Variants in JAM2 observed in about 807,000 individuals in gnomAD.
JAM2 encodes the protein junctional adhesion molecule B.
In JAM2, 17 loss-of-function variants were observed where a neutral mutation model predicts 42.0. The observed-to-expected ratio is 0.40, with a 90% CI of 0.28 to 0.61. JAM2 has a LOEUF of 0.61. JAM2 is among the 20% of genes least tolerant of loss of function. The pLI, the probability that JAM2 is intolerant of heterozygous loss-of-function variation, is 0.37. For missense variants in JAM2, 319 were observed against 358.3 expected, an observed-to-expected ratio of 0.89 and a Z score of 0.89; for synonymous variants, 118 against 128.6, an observed-to-expected ratio of 0.92 and a Z score of 0.56.
chr21:25,709,205 C>A (rs1478550027), intron 7 of JAM2, among the ~76,000 whole-genome samples: 1 of 149,106 alleles, frequency 6.7e-6, no homozygotes, highest in African/African-American at 2.4e-5. Flanking sequence ...TGTTTGCTCT[C>A]TTGTTACTTA....
chr21:25,702,112 A>G (rs1294359420), intron 5 of JAM2, 58 bp from the exon 6 acceptor site: 22 of 904,200 alleles, frequency 2.4e-5, no homozygotes, highest in Non-Finnish European at 1.7e-5. Context: ...AGGGTTATTT[A>G]AAAAGTCTAC....
intron 2 of JAM2, among the ~76,000 whole-genome samples, chr21:25,688,410 G>A (rs773131183): frequency 2.0e-5 from 3 of 152,210 alleles, no homozygotes; most frequent in Non-Finnish European, 4.4e-5. Context: ...GTGTGGGTGT[G>A]TGTTTAATTG....
rs2034468620 is a variant in JAM2, at chr21:25,715,885, C to A, written c.*1213C>A. ...TTAATTACTGAATTGATATTAAAAA[C>A]AAAATATGGCTAGGGCATGTCCTAT... On this transcript the variant is annotated 3_prime_UTR_variant, in exon 10 of 10. Coordinates refer to ENST00000480456, the MANE Select transcript of JAM2 (RefSeq NM_021219.4). The A allele has an allele frequency of 6.6e-6, 1 of 151,578 alleles. No individual in the cohort carries two copies. The allele number at this position is 151,578 out of a possible 1,614,324, so 9.4% of individuals were successfully genotyped here. A position where few individuals can be genotyped will look rare whatever the true frequency, so the allele number is the denominator to read the frequency against.
chr21:25,662,382 T>C (rs1050814939), intron 1 of JAM2, among the ~76,000 whole-genome samples: 2 of 151,856 alleles, frequency 1.3e-5, no homozygotes, highest in African/African-American at 4.9e-5. Context: ...AGCCCTGGGC[T>C]CAAACAGTCC....
At chr21:25,665,097 G>A (rs2033184931) in intron 1 of JAM2, among the ~76,000 whole-genome samples, 1 of 152,208 alleles carries the variant, frequency 6.6e-6, no homozygotes, top group Admixed American at 6.5e-5. Context: ...ACTTCCTAGA[G>A]GTGGTGAGAC....
chr21:25,651,345 A>G (rs897448282), intron 1 of JAM2, among the ~76,000 whole-genome samples: 13 of 152,212 alleles, frequency 8.5e-5, no homozygotes, highest in Non-Finnish European at 1.8e-4. Flanking sequence ...TCAAATATGA[A>G]GCTTTTCTCA....
chr21:25,679,463 G>T (rs558172541), intron 1 of JAM2, among the ~76,000 whole-genome samples: 11 of 152,162 alleles, frequency 7.2e-5, no homozygotes, highest in Non-Finnish European at 1.3e-4. Flanking sequence ...TCTCTCAGGG[G>T]ACATTTACTA....
intron 1 of JAM2, among the ~76,000 whole-genome samples, chr21:25,645,009 T>C (rs1463024820): frequency 6.6e-6 from 1 of 152,038 alleles, no homozygotes; most frequent in African/African-American, 2.4e-5. Context: ...GCCTCCTGAG[T>C]AGCTGGGATT....
intron 2 of JAM2, among the ~76,000 whole-genome samples, chr21:25,685,150 G>A (rs955168878): frequency 2.0e-5 from 3 of 152,052 alleles, no homozygotes; most frequent in African/African-American, 7.2e-5. Context: ...GTAAAGGCCT[G>A]GAGTGGGGGG....
At chr21:25,671,328 T>G (rs929867728) in intron 1 of JAM2, among the ~76,000 whole-genome samples, 3 of 152,178 alleles carry the variant, frequency 2.0e-5, no homozygotes, top group African/African-American at 7.2e-5. Flanking sequence ...CTTGCAAATT[T>G]TACAAAATGT....
chr21:25,663,067 T>C (rs564435924), intron 1 of JAM2, among the ~76,000 whole-genome samples: 2 of 152,302 alleles, frequency 1.3e-5, no homozygotes, highest in South Asian at 2.1e-4. Context: ...TTAAATAACA[T>C]AGAAGTTCAT....
At chr21:25,712,482 A>G in intron 9 of JAM2, 100 bp downstream of exon 9, 1 of 807,056 alleles carries the variant, frequency 1.2e-6, no homozygotes, top group Non-Finnish European at 2.1e-6. Flanking sequence ...CACTTTTAAT[A>G]CACTTTGCAC....
chr21:25,670,179 A>G (rs1354308074), intron 1 of JAM2, among the ~76,000 whole-genome samples: 1 of 152,150 alleles, frequency 6.6e-6, no homozygotes, highest in Non-Finnish European at 1.5e-5. Flanking sequence ...CTCAATTTGA[A>G]AGAGTTTCAA....
intron 1 of JAM2, among the ~76,000 whole-genome samples, chr21:25,655,553 T>C (rs1412206253): frequency 6.7e-6 from 1 of 149,078 alleles, no homozygotes; most frequent in Non-Finnish European, 1.5e-5. Context: ...CCATCTCAGC[T>C]CAGTGCAATC....
chr21:25,714,701 C>T lies in JAM2; in HGVS notation c.*29C>T. The T allele has an allele frequency of 7.0e-7, 1 of 1,428,774 alleles. No homozygotes were observed. Among genetic ancestry groups the T allele is most frequent in the Admixed American group, 2.5e-5 (1 of 39,440 alleles). The allele number at this position is 1,428,774 out of a possible 1,614,324, so 88.5% of individuals were successfully genotyped here. A position where few individuals can be genotyped will look rare whatever the true frequency, so the allele number is the denominator to read the frequency against. ...CTCCACTTTAGAGATACACCAAAGCCACCGTTGTTACACAAGTTATTAAAC... is the reference window on the plus strand; with the variant it reads ...CTCCACTTTAGAGATACACCAAAGCTACCGTTGTTACACAAGTTATTAAAC... On this transcript the variant is annotated 3_prime_UTR_variant, in exon 10 of 10. Coordinates refer to ENST00000480456, the MANE Select transcript of JAM2 (RefSeq NM_021219.4).
intron 1 of JAM2, among the ~76,000 whole-genome samples, chr21:25,662,870 C>A (rs900053707): frequency 1.3e-5 from 2 of 152,186 alleles, no homozygotes; most frequent in Non-Finnish European, 2.9e-5. Context: ...TAGACACAAT[C>A]TTGTATCAAA....
chr21:25,709,098 A>G (rs1402332157), intron 7 of JAM2, among the ~76,000 whole-genome samples: 1 of 151,880 alleles, frequency 6.6e-6, no homozygotes, highest in Non-Finnish European at 1.5e-5. Context: ...AAAGCATTCC[A>G]TTTCTCTAAC....
chr21:25,655,740 C>T (rs549352935), intron 1 of JAM2, among the ~76,000 whole-genome samples: 1 of 149,536 alleles, frequency 6.7e-6, no homozygotes, highest in Admixed American at 6.7e-5. Flanking sequence ...AGGTGATCCG[C>T]CTGCCTTGGC....
chr21:25,694,867 A>C (rs917963472), intron 4 of JAM2, among the ~76,000 whole-genome samples: 1 of 151,796 alleles, frequency 6.6e-6, no homozygotes, highest in East Asian at 1.9e-4. Context: ...AATCACTGAT[A>C]GTAACAGCTC....
Sources: gnomAD v4.1 joint callset for allele counts (sites outside exome capture counted in the v4.1 genomes callset) on GRCh38, gnomAD v4.1.1 for gene constraint, MANE v1.5 for transcripts, NCBI Gene and HGNC (gene_info 2026-07-23, HGNC 2026-07-21) for gene names.